ERCC6: variants seen among roughly 807,000 people sequenced by gnomAD.
ERCC6 encodes the protein DNA excision repair protein ERCC-6.
Under a neutral mutation model 158.7 loss-of-function variants are expected in ERCC6, and 116 were observed. The observed-to-expected ratio is 0.73, with a 90% CI of 0.63 to 0.85. The LOEUF is 0.85. ERCC6 is among the 40% of genes least tolerant of loss of function. ERCC6 has a pLI of 0.00. For synonymous variants in ERCC6, 678 were observed against 659.3 expected, an observed-to-expected ratio of 1.03 and a Z score of -0.43; for missense variants, 1,698 against 1,799.4, an observed-to-expected ratio of 0.94 and a Z score of 1.02.
At chr10:49,471,582 G>GCC (rs1169681572) in intron 16 of ERCC6, among the ~76,000 whole-genome samples, 2 of 152,068 alleles carry the variant, frequency 1.3e-5, no homozygotes, top group Non-Finnish European at 2.9e-5. Flanking sequence ...CTCTGCTGAA[G>GCC]CCCCACACCA....
rs137879476 is a variant in ERCC6 at position 49,525,971 on chromosome 10, T to A, written c.653-1194A>T. ...TTTGAGCTGCATCCTTACTGTTGAATGTAGCTGTAGTTTGTTAACTCTCAC... is the reference window on the plus strand; with the variant it reads ...TTTGAGCTGCATCCTTACTGTTGAAAGTAGCTGTAGTTTGTTAACTCTCAC... On this transcript the variant is annotated intron_variant, in intron 4 of 20. Transcript: ENST00000355832. Among the ~76,000 whole-genome samples the A allele has an allele frequency of 5.4e-3, 826 of 151,936 alleles. 6 individuals are homozygous for A. The highest frequency in any genetic ancestry group is 0.019 in the African/African-American group (784 of 41,404).
At chr10:49,466,315 G>T (rs868197459) in intron 18 of ERCC6, among the ~76,000 whole-genome samples, 2 of 152,292 alleles carry the variant, frequency 1.3e-5, no homozygotes, top group African/African-American at 4.8e-5. Context: ...GTTCAGGTCA[G>T]AAATTGTAAA....
intron 6 of ERCC6, chr10:49,504,355 C>T (rs965975123): frequency 6.6e-5 from 10 of 151,802 alleles, no homozygotes; most frequent in Admixed American, 2.0e-4. Context: ...TTTTAAAAAA[C>T]GAATATTATT....
At chr10:49,518,906 T>A (rs934300822) in intron 5 of ERCC6, among the ~76,000 whole-genome samples, 5 of 152,114 alleles carry the variant, frequency 3.3e-5, no homozygotes, top group Admixed American at 3.3e-4. Context: ...GAGTTACTCA[T>A]GTAAAAAAGG....
intron 18 of ERCC6, among the ~76,000 whole-genome samples, chr10:49,468,214 C>G (rs758946423): frequency 1.4e-4 from 22 of 152,238 alleles, no homozygotes; most frequent in Non-Finnish European, 2.6e-4. Context: ...AGTGGAGACT[C>G]TGCAGACCTG....
At chr10:49,515,917 C>A in intron 5 of ERCC6, 1 of 1,614,174 alleles carries the variant, frequency 6.2e-7, no homozygotes, top group Non-Finnish European at 8.5e-7. Flanking sequence ...ATTCGATAAT[C>A]AAATGTGCCT....
chr10:49,444,365 G>T, the ERCC6 span, among the ~76,000 whole-genome samples: 1 of 152,280 alleles, frequency 6.6e-6, no homozygotes, highest in East Asian at 1.9e-4. Context: ...CAAACAGGGG[G>T]TCTCAAATAT....
At chr10:49,453,698 G>A (rs1850445770), downstream of ERCC6, among the ~76,000 whole-genome samples, 1 of 151,968 alleles carries the variant, frequency 6.6e-6, no homozygotes, top group African/African-American at 2.4e-5. Flanking sequence ...TTCTGTTTTT[G>A]TTTATCTGGG....
chr10:49,514,503 G>T (rs970534149), intron 5 of ERCC6, among the ~76,000 whole-genome samples: 4 of 152,140 alleles, frequency 2.6e-5, no homozygotes, highest in Non-Finnish European at 2.9e-5. Flanking sequence ...ACCTACCGTG[G>T]TGCTCAAAAT....
intron 16 of ERCC6, 121 bp from the exon 17 acceptor site, chr10:49,471,241 C>G (rs1275073251): frequency 6.3e-6 from 6 of 956,530 alleles, no homozygotes; most frequent in Non-Finnish European, 9.7e-6. Context: ...AAATAATCCC[C>G]CAAACTTTCA....
At chr10:49,515,405 G>A in intron 5 of ERCC6, 1 of 1,614,106 alleles carries the variant, frequency 6.2e-7, no homozygotes, top group Non-Finnish European at 8.5e-7. Context: ...GAAAAGTTGT[G>A]TTCTTATGAC....
chr10:49,537,306 G>A (rs1837620522), intron 1 of ERCC6, among the ~76,000 whole-genome samples: 1 of 143,492 alleles, frequency 7.0e-6, no homozygotes, highest in South Asian at 2.1e-4. Flanking sequence ...TCGCACCACT[G>A]CACTCCAGCC....
In ERCC6 at chr10:49,470,210, A is replaced by G. The variant is rs1295918020; in HGVS notation, c.3750T>C (p.Tyr1250=). The change falls in exon 18 of 21, where the codon TAT becomes TAC. Residue 1250 remains tyrosine, a synonymous_variant. Transcript: ENST00000355832. ...ATTTTTTGAAAAGCTTTTCCAAAACATAATCGTCATTGCTCTGTTCCTTGG... is the reference window on the plus strand; with the variant it reads ...ATTTTTTGAAAAGCTTTTCCAAAACGTAATCGTCATTGCTCTGTTCCTTGG... The part of the protein sequence containing the change: ...SEAKEQSNDD[Y]VLEKLFKKSV... 1 of 1,614,216 alleles carries G rather than the reference A, an allele frequency of 6.2e-7. No individual in the cohort carries two copies. The highest frequency in any genetic ancestry group is 1.7e-5 in the Admixed American group (1 of 60,034).
rs750945881 is a variant in ERCC6 at position 49,474,088 on chromosome 10, G to A, written c.2537C>T (p.Ser846Phe). ...KRSGKMIVVE[S>F]LLKIWHKQGQ... Reference sequence around the variant, plus strand: ...CTGCTTGTGCCATATTTTCAACAAAGACTCAACAACAATCATTTTCCCAGA... The same window carrying A: ...CTGCTTGTGCCATATTTTCAACAAAAACTCAACAACAATCATTTTCCCAGA... Residue 846 changes from serine (S) to phenylalanine (F), a missense_variant, in exon 13 of 21, where the codon TCT becomes TTT. Transcript: ENST00000355832. The A allele has an allele frequency of 1.2e-6, 2 of 1,613,994 alleles. No homozygotes were observed. Among genetic ancestry groups the A allele is most frequent in the African/African-American group, 1.3e-5 (1 of 74,914 alleles).
chr10:49,498,774 C>T (rs1292044292), intron 7 of ERCC6, among the ~76,000 whole-genome samples: 3 of 152,154 alleles, frequency 2.0e-5, no homozygotes, highest in African/African-American at 7.2e-5. Flanking sequence ...ATCAAAACTA[C>T]ACTGCAGGGA....
Position 49,470,884 on chromosome 10 carries a change from C to T in ERCC6, c.3076G>A (p.Gly1026Arg). The T allele has an allele frequency of 1.1e-5, 17 of 1,613,764 alleles. No homozygotes were observed. The highest frequency in any genetic ancestry group is 1.4e-5 in the Non-Finnish European group (17 of 1,179,796). ...TETSAIFAGTGSDVQTPKCHL... is the reference protein window; with the variant it reads ...TETSAIFAGTRSDVQTPKCHL... ...CATTTGGGTGTCTGAACATCTGATC[C>T]AGTTCCTGTAAAGAGGAAAAACACC... Residue 1026 changes from glycine (G) to arginine (R), a missense_variant, in exon 18 of 21, where the codon GGA becomes AGA. Transcript: ENST00000355832.
At chr10:49,530,899 T>C (rs1286441733) in intron 2 of ERCC6, 59 bp from the exon 3 acceptor site, 1 of 1,595,326 alleles carries the variant, frequency 6.3e-7, no homozygotes, top group Admixed American at 1.7e-5. Flanking sequence ...TAGCATAATA[T>C]AAAGAGAAAA....
In ERCC6 at chr10:49,470,548, T is replaced by G. The variant is rs762401051; in HGVS notation, c.3412A>C (p.Thr1138Pro). Residue 1138 changes from threonine to proline, a missense_variant, in exon 18 of 21, where the codon ACT becomes CCT. Thr to Pro is a conservative substitution (Grantham distance 38). Transcript: ENST00000355832. ...ECSNSSGTGKTSMPSGDESID... is the reference protein window; with the variant it reads ...ECSNSSGTGKPSMPSGDESID... ...CTTTCATCACCAGATGGCATAGAAG[T>G]TTTGCCTGTTCCTGAAGAATTTGAA... 6.2e-7 allele frequency: 1 copy of G among 1,614,142 alleles called. No individual in the cohort carries two copies. Among genetic ancestry groups the G allele is most frequent in the South Asian group, 1.1e-5 (1 of 91,064 alleles).
In ERCC6 at chr10:49,458,380, T is replaced by C. The variant is rs890067849; in HGVS notation, c.*435A>G. On this transcript the variant is annotated 3_prime_UTR_variant, in exon 21 of 21. Transcript: ENST00000355832. ...GTTTAAAGTTTAAGCATCAAAATAATGCTGTTATCAGATATTGATGAACTT... is the reference window on the plus strand; with the variant it reads ...GTTTAAAGTTTAAGCATCAAAATAACGCTGTTATCAGATATTGATGAACTT... The C allele has an allele frequency of 6.1e-6, 1 of 164,772 alleles. No individual in the cohort carries two copies. The highest frequency in any genetic ancestry group is 1.3e-5 in the Non-Finnish European group (1 of 74,858). 10.2% of individuals were successfully genotyped at this position (164,772 alleles called of 1,614,324 possible). A position where few individuals can be genotyped will look rare whatever the true frequency, so the allele number is the denominator to read the frequency against.
Sources: gnomAD v4.1 joint callset for allele counts (sites outside exome capture counted in the v4.1 genomes callset) on GRCh38, gnomAD v4.1.1 for gene constraint, MANE v1.5 for transcripts, NCBI Gene and HGNC (gene_info 2026-07-23, HGNC 2026-07-21) for gene names.